Variants in PCDHA4 observed in about 807,000 individuals in gnomAD.
The protein encoded by PCDHA4 is protocadherin alpha 4.
A neutral mutation model predicts 61.4 loss-of-function variants in PCDHA4; 49 were observed. That is an observed-to-expected ratio of 0.80 (90% CI 0.63 to 1.01). PCDHA4 has a LOEUF of 1.01. Ranked by LOEUF, PCDHA4 falls within the 50% of genes least tolerant of loss-of-function variation. PCDHA4 has a pLI of 0.00. For missense variants in PCDHA4, 1,254 were observed against 1,235.8 expected (o/e 1.01, Z -0.22); for synonymous variants, 590 against 550.3 (o/e 1.07, Z -1.01).
At chr5:140,990,742 G>A (rs947618929) in intron 3 of PCDHA4, among the ~76,000 whole-genome samples, 2 of 152,176 alleles carry the variant, frequency 1.3e-5, no homozygotes, top group African/African-American at 4.8e-5. Context: ...CAGCCCTAGG[G>A]TGGATACCTT....
rs1405557630 is a variant in PCDHA4, at chr5:140,807,108, G to T, written c.-80G>T. ...AGTCTGAAATATGGAGGATGCAGCT[G>T]CACTTGACTGACCGATTAAAAGATT... On this transcript the variant is annotated 5_prime_UTR_variant, in exon 1 of 4. Coordinates refer to ENST00000530339, the MANE Select transcript of PCDHA4 (RefSeq NM_018907.4). The T allele has an allele frequency of 6.8e-6, 10 of 1,477,174 alleles. No individual in the cohort carries two copies. Among genetic ancestry groups the T allele is most frequent in the Non-Finnish European group, 9.2e-6 (10 of 1,081,734 alleles). The allele number at this position is 1,477,174 out of a possible 1,614,324, so 91.5% of individuals were successfully genotyped here.
intron 1 of PCDHA4, among the ~76,000 whole-genome samples, chr5:140,958,001 T>C (rs1257234939): frequency 6.6e-6 from 1 of 152,144 alleles, no homozygotes; most frequent in Non-Finnish European, 1.5e-5. Flanking sequence ...ATTTTTTGTT[T>C]CAATTCTATC....
At chr5:140,873,476 G>A (rs2054312814) in intron 1 of PCDHA4, among the ~76,000 whole-genome samples, 1 of 151,958 alleles carries the variant, frequency 6.6e-6, no homozygotes, top group African/African-American at 2.4e-5. Flanking sequence ...CAAATTACTT[G>A]GACTGATTTC....
intron 1 of PCDHA4, chr5:140,834,557 G>A (rs1484712416): frequency 1.9e-6 from 3 of 1,613,996 alleles, no homozygotes; most frequent in East Asian, 2.2e-5. Context: ...AGCTGGCGGA[G>A]CTGGTGCCGC....
intron 1 of PCDHA4, chr5:140,815,383 G>T (rs1042802811): frequency 1.4e-4 from 21 of 152,028 alleles, no homozygotes; most frequent in African/African-American, 5.1e-4. Context: ...TGGTTACCAT[G>T]GGGCTTACAT....
At chr5:140,995,352 C>T (rs976879377) in intron 3 of PCDHA4, among the ~76,000 whole-genome samples, 2 of 152,006 alleles carry the variant, frequency 1.3e-5, no homozygotes, top group Non-Finnish European at 2.9e-5. Context: ...ATGGATAGGT[C>T]GGACAGAGGG....
intron 1 of PCDHA4, chr5:140,863,238 T>G (rs1367184463): frequency 9.1e-6 from 12 of 1,318,616 alleles, no homozygotes; most frequent in Non-Finnish European, 1.3e-5. Context: ...CATCGCGGGC[T>G]TTGGCGGGCG....
chr5:140,874,868 T>C (rs1554167378), intron 1 of PCDHA4, among the ~76,000 whole-genome samples: 1 of 152,254 alleles, frequency 6.6e-6, no homozygotes, highest in Non-Finnish European at 1.5e-5. Flanking sequence ...TTATCCTTTG[T>C]TAAATACAAA....
intron 1 of PCDHA4, chr5:140,929,360 C>G (rs781864515): frequency 5.3e-6 from 8 of 1,519,748 alleles, no homozygotes; most frequent in Non-Finnish European, 6.2e-6. Flanking sequence ...TTCCTTTGGC[C>G]CGGAGATGGC....
chr5:140,965,229 C>A (rs1554227498), intron 1 of PCDHA4, among the ~76,000 whole-genome samples: 1 of 152,124 alleles, frequency 6.6e-6, no homozygotes, highest in Non-Finnish European at 1.5e-5. Context: ...AATGTGAGAA[C>A]CTGGGAAGAG....
chr5:140,829,360 G>A, intron 1 of PCDHA4: 2 of 1,614,228 alleles, frequency 1.2e-6, no homozygotes, highest in Non-Finnish European at 1.7e-6. Context: ...CCTATGAGTT[G>A]GTGGTAACCG....
chr5:140,855,898 G>A (rs1376080339), intron 1 of PCDHA4: 3 of 1,069,996 alleles, frequency 2.8e-6, no homozygotes, highest in African/African-American at 1.6e-5. Context: ...AAAGGCATCA[G>A]CCAGTTTCTC....
intron 1 of PCDHA4, chr5:140,881,244 C>A (rs1219638908): frequency 4.8e-5 from 19 of 396,890 alleles, no homozygotes; most frequent in Non-Finnish European, 6.2e-5. Context: ...ATTTAAATGA[C>A]GGCAAGGTTT....
At chr5:140,841,684 G>C in intron 1 of PCDHA4, 1 of 1,613,954 alleles carries the variant, frequency 6.2e-7, no homozygotes, top group South Asian at 1.1e-5. Context: ...ATGTGGACGT[G>C]GAGGTGAAGG....
intron 1 of PCDHA4, among the ~76,000 whole-genome samples, chr5:140,886,744 TG>T (rs2061111877): frequency 6.6e-6 from 1 of 150,996 alleles, no homozygotes. Flanking sequence ...GAGAATTGCT[TG>T]AACCCGGGAG....
At chr5:140,937,718 C>T (rs538350541) in intron 1 of PCDHA4, among the ~76,000 whole-genome samples, 1 of 152,076 alleles carries the variant, frequency 6.6e-6, no homozygotes, top group South Asian at 2.1e-4. Context: ...CAAGACCATC[C>T]TGGCTAACAC....
rs199714982 is a variant in PCDHA4, at chr5:140,967,252, G to T, written c.2386-11697G>T. On this transcript the variant is annotated intron_variant, in intron 1 of 3. Coordinates refer to ENST00000530339, the MANE Select transcript of PCDHA4 (RefSeq NM_018907.4). ...AGCTTCAGGTAAGCGAATCGGTGGC[G>T]CCTGGAGCGCGCTTTCACATAGAGA... 6.0e-5 allele frequency: 97 copies of T among 1,613,386 alleles called. 1 individual carries two copies. Among genetic ancestry groups the T allele is most frequent in the Non-Finnish European group, 8.0e-5 (94 of 1,179,870 alleles).
intron 1 of PCDHA4, chr5:140,927,527 C>A (rs1554204693): frequency 6.2e-7 from 1 of 1,614,084 alleles, no homozygotes. Flanking sequence ...GGGCTACCTG[C>A]CCGCTCAGGA....
rs1417954039 is a variant in PCDHA4, at chr5:140,828,944, G to A, written c.2385+19372G>A. The A allele has an allele frequency of 3.7e-6, 6 of 1,614,124 alleles. No homozygotes were observed. In the African/African-American group the frequency reaches 4.0e-5, roughly 11 times the overall value. On this transcript the variant is annotated intron_variant, in intron 1 of 3. Transcript: ENST00000530339. ...AATTTCATATTCTTTTAATAGCCTT[G>A]TTGCAGCCATGGTTATTGACCACTT...
Sources: allele counts gnomAD v4.1 joint callset (sites outside exome capture counted in the v4.1 genomes callset), GRCh38; gene constraint gnomAD v4.1.1; transcripts MANE v1.5; gene names NCBI Gene and HGNC (gene_info 2026-07-23, HGNC 2026-07-21).